Variants in GPC6 observed in about 807,000 individuals in gnomAD.
GPC6 encodes glypican 6, also known as glypican-6.
GPC6 carries 14 observed loss-of-function variants against 55.2 expected under a neutral mutation model. The ratio of observed to expected loss-of-function variants is 0.25; its 90% confidence interval spans 0.17 to 0.40. The LOEUF (loss-of-function observed/expected upper bound fraction) is 0.40. Among genes scored for constraint, GPC6 ranks in the 10% least tolerant of loss-of-function variants. The probability of loss-of-function intolerance (pLI) is 1.00; values close to 1 mark genes in which losing one functional copy is unlikely to be tolerated. For synonymous variants in GPC6, 278 were observed against 259.6 expected (o/e 1.07, Z -0.68); for missense variants, 641 against 708.5 (o/e 0.90, Z 1.08).
intron 3 of GPC6, among the ~76,000 whole-genome samples, chr13:93,852,226 T>A (rs190141862): frequency 5.3e-4 from 80 of 151,900 alleles, no homozygotes; most frequent in African/African-American, 1.8e-3. Context: ...GGAACACACA[T>A]GGAAGTCATC....
intron 2 of GPC6, among the ~76,000 whole-genome samples, chr13:93,671,612 G>GT (rs1566478905): frequency 4.4e-5 from 6 of 134,984 alleles, no homozygotes; most frequent in Non-Finnish European, 8.7e-5. Flanking sequence ...GTTTTTTAGG[G>GT]GTTTTTTTTG....
intron 4 of GPC6, among the ~76,000 whole-genome samples, chr13:94,203,130 T>C (rs1473587204): frequency 7.6e-6 from 1 of 131,366 alleles, no homozygotes; most frequent in Non-Finnish European, 1.7e-5. Flanking sequence ...ATAGTGAGTC[T>C]TATATTTAGT....
chr13:93,875,815 G>A (rs1889275157), intron 3 of GPC6, among the ~76,000 whole-genome samples: 1 of 152,074 alleles, frequency 6.6e-6, no homozygotes, highest in Admixed American at 6.6e-5. Context: ...CATGGAGAAA[G>A]AAACAAGCTT....
chr13:93,540,329 C>T (rs1289857593), intron 1 of GPC6, among the ~76,000 whole-genome samples: 1 of 152,030 alleles, frequency 6.6e-6, no homozygotes, highest in Non-Finnish European at 1.5e-5. Flanking sequence ...TACCATATAT[C>T]CATCAAGCAG....
At chr13:93,674,587 C>T (rs2139632598) in intron 2 of GPC6, among the ~76,000 whole-genome samples, 1 of 152,294 alleles carries the variant, frequency 6.6e-6, no homozygotes, top group East Asian at 1.9e-4. Context: ...GCATGTATCA[C>T]TTTATTTTCA....
chr13:93,322,536 A>C (rs1158472686), intron 1 of GPC6, among the ~76,000 whole-genome samples: 1 of 143,862 alleles, frequency 7.0e-6, no homozygotes, highest in Non-Finnish European at 1.5e-5. Flanking sequence ...ACTTGGGTTC[A>C]AGCGATTCTC....
chr13:93,967,363 T>C (rs1880095417), intron 3 of GPC6, among the ~76,000 whole-genome samples: 2 of 152,306 alleles, frequency 1.3e-5, no homozygotes, highest in South Asian at 4.1e-4. Flanking sequence ...AGTTTCAATT[T>C]TGAATAATGA....
intron 1 of GPC6, among the ~76,000 whole-genome samples, chr13:93,488,582 A>G (rs187813031): frequency 6.6e-6 from 1 of 152,274 alleles, no homozygotes; most frequent in East Asian, 1.9e-4. Flanking sequence ...TTACACTCCC[A>G]CCAACAGTGT....
intron 1 of GPC6, among the ~76,000 whole-genome samples, chr13:93,494,930 G>T (rs1309991047): frequency 2.0e-5 from 3 of 146,690 alleles, no homozygotes; most frequent in East Asian, 2.1e-4. Flanking sequence ...AGGGTAACCC[G>T]ACCTTTCTCT....
chr13:93,294,389 C>T (rs1300027351), intron 1 of GPC6, among the ~76,000 whole-genome samples: 3 of 152,092 alleles, frequency 2.0e-5, no homozygotes, highest in Admixed American at 6.6e-5. Flanking sequence ...AGTATTTAGT[C>T]ATTACTTCAT....
intron 2 of GPC6, among the ~76,000 whole-genome samples, chr13:93,767,690 G>A (rs1261687464): frequency 6.6e-5 from 10 of 152,088 alleles, no homozygotes; most frequent in Admixed American, 6.6e-4. Context: ...GCACTGATCA[G>A]TAAAAACCGA....
At chr13:93,789,841 G>A (rs942098578) in intron 2 of GPC6, among the ~76,000 whole-genome samples, 1 of 150,766 alleles carries the variant, frequency 6.6e-6, no homozygotes, top group Non-Finnish European at 1.5e-5. Context: ...ACAAGTGAGA[G>A]TTTGGGTTGT....
Position 94,110,140 on chromosome 13 carries a change from A to T in GPC6, c.877+82246A>T, listed in dbSNP as rs377092516. Among the ~76,000 whole-genome samples, 41 of 152,026 alleles carry T rather than the reference A, an allele frequency of 2.7e-4. 1 individual carries two copies. Among genetic ancestry groups the T allele is most frequent in the African/African-American group, 9.4e-4 (39 of 41,494 alleles). ...TCACCATAGGAAGAGCATCTGCAGAAGTCTTAATGACTTCTTGTCTGTGAT... is the reference window on the plus strand; with the variant it reads ...TCACCATAGGAAGAGCATCTGCAGATGTCTTAATGACTTCTTGTCTGTGAT... On this transcript the variant is annotated intron_variant, in intron 4 of 8. Coordinates refer to ENST00000377047, the MANE Select transcript of GPC6 (RefSeq NM_005708.5).
rs376805670 is a variant in GPC6, at chr13:93,643,523, C to G, written c.319+98102C>G. Among the ~76,000 whole-genome samples, 17 of 152,190 alleles carry G rather than the reference C, an allele frequency of 1.1e-4. No homozygotes were observed. In the East Asian group the frequency reaches 1.5e-3, roughly 14 times the overall value. On this transcript the variant is annotated intron_variant, in intron 2 of 8. Transcript: ENST00000377047. The stretch of plus-strand genomic sequence containing the variant: ...AGGCAGGTGTGGAAGTAACTAAAAT[C>G]TATGGGAAGGATAAAGGAAAGTAAG...
At chr13:94,120,310 T>C (rs1257670188) in intron 4 of GPC6, among the ~76,000 whole-genome samples, 1 of 152,052 alleles carries the variant, frequency 6.6e-6, no homozygotes, top group African/African-American at 2.4e-5. Context: ...TTCCAAAACC[T>C]TTAGGATTCA....
At chr13:94,036,138 T>A (rs1241781259) in intron 4 of GPC6, among the ~76,000 whole-genome samples, 4 of 152,060 alleles carry the variant, frequency 2.6e-5, no homozygotes, top group Non-Finnish European at 5.9e-5. Flanking sequence ...GGAAGTAATT[T>A]AAGCTTTTGG....
intron 3 of GPC6, among the ~76,000 whole-genome samples, chr13:93,970,976 T>A (rs565580271): frequency 6.6e-6 from 1 of 152,330 alleles, no homozygotes; most frequent in East Asian, 1.9e-4. Context: ...TTATCCAGAA[T>A]AAGTCGTGTA....
intron 1 of GPC6, among the ~76,000 whole-genome samples, chr13:93,493,857 C>G (rs1339128658): frequency 8.7e-6 from 1 of 115,580 alleles, no homozygotes; most frequent in Admixed American, 8.7e-5. Context: ...TAATCCTGAG[C>G]TCTAGTTTGA....
chr13:93,458,170 A>G (rs183310035), intron 1 of GPC6, among the ~76,000 whole-genome samples: 1 of 152,330 alleles, frequency 6.6e-6, no homozygotes, highest in Admixed American at 6.5e-5. Context: ...AGAATCTTAA[A>G]GGTAACACAA....
Sources: allele counts gnomAD v4.1 joint callset (sites outside exome capture counted in the v4.1 genomes callset), GRCh38; gene constraint gnomAD v4.1.1; transcripts MANE v1.5; gene names NCBI Gene and HGNC (gene_info 2026-07-23, HGNC 2026-07-21).